NPR3: variants seen among roughly 807,000 people sequenced by gnomAD.
The protein encoded by NPR3 is natriuretic peptide receptor 3.
NPR3 carries 34 observed loss-of-function variants against 54.5 expected under a neutral mutation model. That is an observed-to-expected ratio of 0.62 (90% CI 0.47 to 0.83). The LOEUF (loss-of-function observed/expected upper bound fraction) is 0.83. NPR3 is among the 40% of genes least tolerant of loss of function. NPR3 has a pLI of 0.00. For missense variants in NPR3, 674 were observed against 720.8 expected (o/e 0.94, Z 0.74); for synonymous variants, 289 against 297.1 (o/e 0.97, Z 0.28).
rs943683099 is a variant in NPR3 at position 32,787,112 on chromosome 5, T to G, written c.*767T>G. On this transcript the variant is annotated 3_prime_UTR_variant, in exon 8 of 8. Transcript: ENST00000265074. Reference sequence around the variant, plus strand: ...TTGGTATTAGAAAAATTTGTCTATTTTTTCATTTTGAAGATTAAATGTTGC... The same window carrying G: ...TTGGTATTAGAAAAATTTGTCTATTGTTTCATTTTGAAGATTAAATGTTGC... 1 of 152,686 alleles carries G rather than the reference T, an allele frequency of 6.5e-6. No individual in the cohort carries two copies. Among genetic ancestry groups the G allele is most frequent in the South Asian group, 2.1e-4 (1 of 4,834 alleles). The allele number at this position is 152,686 out of a possible 1,614,324, so 9.5% of individuals were successfully genotyped here.
intron 2 of NPR3, among the ~76,000 whole-genome samples, chr5:32,736,153 C>A (rs1421750750): frequency 6.7e-6 from 1 of 149,452 alleles, no homozygotes; most frequent in Non-Finnish European, 1.5e-5. Context: ...ATTGCTTGAA[C>A]CCTGGAGGCA....
At chr5:32,713,379 T>C in intron 1 of NPR3, 1 of 985,470 alleles carries the variant, frequency 1.0e-6, no homozygotes, top group Non-Finnish European at 1.2e-6. Context: ...ATGGTGGCTA[T>C]GGCTTCGGGG....
intron 3 of NPR3, among the ~76,000 whole-genome samples, chr5:32,748,528 C>T (rs1035057230): frequency 1.3e-5 from 2 of 152,164 alleles, no homozygotes; most frequent in African/African-American, 4.8e-5. Flanking sequence ...AGGATAAATG[C>T]AGGTTCTTCT....
intron 1 of NPR3, among the ~76,000 whole-genome samples, chr5:32,701,856 A>G (rs998425319): frequency 6.6e-6 from 1 of 152,182 alleles, no homozygotes; most frequent in Non-Finnish European, 1.5e-5. Context: ...CTTCTCTTCC[A>G]TTTATTTTCT....
At chr5:32,727,776 C>A (rs535307912) in intron 2 of NPR3, among the ~76,000 whole-genome samples, 1 of 152,272 alleles carries the variant, frequency 6.6e-6, no homozygotes, top group Admixed American at 6.5e-5. Flanking sequence ...GTTTTTATAT[C>A]ATTTCAAATA....
At chr5:32,708,826 T>G (rs1159572524), upstream of NPR3, among the ~76,000 whole-genome samples, 1 of 152,222 alleles carries the variant, frequency 6.6e-6, no homozygotes, top group East Asian at 1.9e-4. Flanking sequence ...CTCTTTTCAT[T>G]TGAAAAGGTT....
chr5:32,749,050 CT>C (rs1740442143), intron 3 of NPR3, among the ~76,000 whole-genome samples: 1 of 152,062 alleles, frequency 6.6e-6, no homozygotes, highest in Non-Finnish European at 1.5e-5. Context: ...AAGATAGCAC[CT>C]TGACTTGTTT....
At chr5:32,720,580 A>G (rs921209000) in intron 1 of NPR3, among the ~76,000 whole-genome samples, 4 of 152,230 alleles carry the variant, frequency 2.6e-5, no homozygotes, top group African/African-American at 9.7e-5. Flanking sequence ...GTTCTTTGGC[A>G]AGGAGGAGGA....
Position 32,711,848 on chromosome 5 carries a change from C to A in NPR3, c.72C>A (p.Thr24=). ...LLGWALLAGG[T]GGGGVGGGGG... is the part of the protein sequence containing the mutation. The stretch of plus-strand genomic sequence containing the variant: ...GCTGGGCGTTGCTGGCCGGCGGCAC[C>A]GGTGGCGGTGGCGTTGGCGGCGGCG... Residue 24 remains threonine (T), a synonymous_variant, in exon 1 of 8, where the codon ACC becomes ACA. Transcript: ENST00000265074. The A allele has an allele frequency of 4.1e-6, 6 of 1,461,918 alleles. No individual in the cohort carries two copies. Among genetic ancestry groups the A allele is most frequent in the Non-Finnish European group, 5.4e-6 (6 of 1,109,162 alleles). The allele number at this position is 1,461,918 out of a possible 1,614,324, so 90.6% of individuals were successfully genotyped here.
intron 1 of NPR3, among the ~76,000 whole-genome samples, chr5:32,700,568 C>T (rs1358482426): frequency 6.6e-6 from 1 of 151,724 alleles, no homozygotes; most frequent in Non-Finnish European, 1.5e-5. Flanking sequence ...CCCGACAGGC[C>T]CTGGTGTGTG....
At chr5:32,725,842 C>T (rs889099368) in intron 2 of NPR3, among the ~76,000 whole-genome samples, 1 of 152,144 alleles carries the variant, frequency 6.6e-6, no homozygotes, top group Non-Finnish European at 1.5e-5. Context: ...GCTCCCAGTC[C>T]CCTCTTTCTT....
chr5:32,723,742 A>G (rs1346240085), intron 1 of NPR3, among the ~76,000 whole-genome samples: 1 of 152,228 alleles, frequency 6.6e-6, no homozygotes. Context: ...GTAAGAAAGT[A>G]TAAAGAACTG....
chr5:32,699,989 T>C (rs1740627489), intron 1 of NPR3, among the ~76,000 whole-genome samples: 1 of 152,232 alleles, frequency 6.6e-6, no homozygotes, highest in African/African-American at 2.4e-5. Flanking sequence ...TTAAAAGTTT[T>C]TTCCTTCAGC....
At chr5:32,757,175 A>G (rs149340188) in intron 3 of NPR3, among the ~76,000 whole-genome samples, 6,457 of 152,302 alleles carry the variant, frequency 0.042, 220 homozygotes, top group East Asian at 0.18. Flanking sequence ...AAGGCATTGA[A>G]TCTATAAATG....
intron 2 of NPR3, among the ~76,000 whole-genome samples, chr5:32,730,735 A>G (rs1298001397): frequency 2.6e-5 from 4 of 152,216 alleles, no homozygotes; most frequent in South Asian, 2.1e-4. Context: ...AAAAAGAAAT[A>G]CTTAAAAAAT....
At chr5:32,696,223 C>T (rs1057170190) in intron 1 of NPR3, among the ~76,000 whole-genome samples, 6 of 152,106 alleles carry the variant, frequency 3.9e-5, no homozygotes, top group African/African-American at 1.4e-4. Flanking sequence ...TATGGATATC[C>T]AGTTTTCCCA....
intron 3 of NPR3, among the ~76,000 whole-genome samples, chr5:32,762,253 T>C (rs994266763): frequency 1.3e-5 from 2 of 152,138 alleles, no homozygotes; most frequent in African/African-American, 4.8e-5. Context: ...GCAATAAACA[T>C]ACATGTGCAT....
chr5:32,745,944 A>G (rs993888226), intron 3 of NPR3, among the ~76,000 whole-genome samples: 2 of 152,162 alleles, frequency 1.3e-5, no homozygotes, highest in Admixed American at 6.5e-5. Flanking sequence ...CTCACCCCCT[A>G]AAAATACTTG....
At chr5:32,741,198 G>A (rs542676507) in intron 3 of NPR3, among the ~76,000 whole-genome samples, 1 of 152,092 alleles carries the variant, frequency 6.6e-6, no homozygotes, top group African/African-American at 2.4e-5. Context: ...GCAGGCAATT[G>A]CTTGAGCTCA....
Sources: gnomAD v4.1 joint callset for allele counts (sites outside exome capture counted in the v4.1 genomes callset) on GRCh38, gnomAD v4.1.1 for gene constraint, MANE v1.5 for transcripts, NCBI Gene and HGNC (gene_info 2026-07-23, HGNC 2026-07-21) for gene names.